Variants in RNF130 observed in about 807,000 individuals in gnomAD.
RNF130 encodes the protein ring finger protein 130, also known as E3 ubiquitin-protein ligase RNF130.
Under a neutral mutation model 44.6 loss-of-function variants are expected in RNF130, and 21 were observed. The ratio of observed to expected loss-of-function variants is 0.47; its 90% CI spans 0.33 to 0.68. RNF130 has a LOEUF of 0.68. Among genes scored for constraint, RNF130 ranks in the 30% least tolerant of loss-of-function variants. RNF130 has a pLI of 0.02. For synonymous variants in RNF130, 214 were observed against 210.4 expected (o/e 1.02, Z -0.15); for missense variants, 479 against 560.6 (o/e 0.85, Z 1.47).
At chr5:179,973,872 C>T (rs1197052085) in intron 5 of RNF130, among the ~76,000 whole-genome samples, 3 of 152,180 alleles carry the variant, frequency 2.0e-5, no homozygotes, top group Non-Finnish European at 2.9e-5. Flanking sequence ...ATACTGAGCG[C>T]CAACAAAGTC....
chr5:180,013,197 G>A lies in RNF130; in HGVS notation c.557C>T (p.Pro186Leu). The A allele has an allele frequency of 1.2e-6, 2 of 1,614,138 alleles. No homozygotes were observed. Among genetic ancestry groups the A allele is most frequent in the Non-Finnish European group, 1.7e-6 (2 of 1,180,032 alleles). ...AGAGCCACGGCTGAAGTTCTTCGGT[G>A]GCATTCGAGTTCCAACAGCTATTGT... is the stretch of plus-strand genomic sequence containing the variant. ...QMTIAVGTRMPPKNFSRGSLV... is the reference protein window; with the variant it reads ...QMTIAVGTRMLPKNFSRGSLV... The change falls in exon 3 of 9, where the codon CCA (proline) becomes CTA (leucine). Residue 186 changes from proline (P) to leucine (L), a missense_variant. By Grantham distance (98) the Pro-to-Leu change is moderately conservative (BLOSUM62 -3). This residue lies in a region of RNF130 where 180 missense variants were observed against 275.1 expected (regional missense o/e 0.65). Coordinates refer to ENST00000521389, the MANE Select transcript of RNF130 (RefSeq NM_018434.6).
intron 2 of RNF130, among the ~76,000 whole-genome samples, chr5:180,014,723 T>C (rs1411177327): frequency 1.3e-5 from 2 of 152,230 alleles, no homozygotes; most frequent in African/African-American, 2.4e-5. Context: ...TGGTGGCTCA[T>C]GCCTATAATC....
chr5:180,051,787 C>T (rs1387443715), intron 1 of RNF130, among the ~76,000 whole-genome samples: 1 of 152,128 alleles, frequency 6.6e-6, no homozygotes, highest in Non-Finnish European at 1.5e-5. Flanking sequence ...TAAAAAGCAT[C>T]TTAAGAGTAA....
chr5:180,061,418 C>T (rs1045642504), intron 1 of RNF130, among the ~76,000 whole-genome samples: 1 of 152,168 alleles, frequency 6.6e-6, no homozygotes, highest in East Asian at 1.9e-4. Flanking sequence ...CAGTGGCGGC[C>T]GCAAGACATC....
chr5:179,957,304 C>T (rs1449477354), intron 8 of RNF130, among the ~76,000 whole-genome samples: 1 of 152,050 alleles, frequency 6.6e-6, no homozygotes, highest in Non-Finnish European at 1.5e-5. Context: ...CCCAGCTACT[C>T]GGGAAGCTGA....
intron 1 of RNF130, among the ~76,000 whole-genome samples, chr5:180,043,228 G>A (rs1286813372): frequency 1.3e-5 from 2 of 152,206 alleles, no homozygotes; most frequent in Non-Finnish European, 2.9e-5. Flanking sequence ...AGGAAGCTGA[G>A]ATGGGAGGAT....
At chr5:179,918,581 G>C (rs1249051221) in exon 8 of RNF130, 1 of 152,122 alleles carries the variant, frequency 6.6e-6, no homozygotes, top group East Asian at 1.9e-4. Flanking sequence ...CCCTCTCTCT[G>C]AGAGCCCAAT....
chr5:179,990,230 T>C (rs752793761), intron 3 of RNF130, among the ~76,000 whole-genome samples: 29 of 152,114 alleles, frequency 1.9e-4, no homozygotes, highest in Admixed American at 2.6e-4. Context: ...GGTAAAGAGT[T>C]TGAGTCACCT....
chr5:180,037,067 T>A (rs1764265374), intron 2 of RNF130, among the ~76,000 whole-genome samples: 1 of 152,236 alleles, frequency 6.6e-6, no homozygotes, highest in South Asian at 2.1e-4. Context: ...TATAACTTAC[T>A]GTGTTTGGGA....
chr5:179,972,931 A>C (rs1762618371), intron 5 of RNF130, among the ~76,000 whole-genome samples: 1 of 152,148 alleles, frequency 6.6e-6, no homozygotes, highest in African/African-American at 2.4e-5. Flanking sequence ...TTTACTAAAC[A>C]ATTAAAAATT....
chr5:179,979,088 G>C (rs1762774882), intron 4 of RNF130, among the ~76,000 whole-genome samples: 1 of 151,924 alleles, frequency 6.6e-6, no homozygotes, highest in South Asian at 2.1e-4. Flanking sequence ...GCTGGCCCGG[G>C]ATACAAAGTC....
chr5:179,920,267 A>G (rs1274686477), exon 8 of RNF130: 2 of 673,430 alleles, frequency 3.0e-6, no homozygotes, highest in Non-Finnish European at 5.5e-6. Context: ...AGGTGATCAG[A>G]AATCAAATCA....
chr5:180,071,503 T>C lies in RNF130; in HGVS notation c.200A>G (p.Lys67Arg). The C allele has an allele frequency of 7.6e-7, 1 of 1,311,430 alleles. No individual in the cohort carries two copies. Among genetic ancestry groups the C allele is most frequent in the East Asian group, 3.0e-5 (1 of 33,434 alleles). 81.2% of individuals were successfully genotyped at this position (1,311,430 alleles called of 1,614,324 possible). ...DRGRYGLDSP[K>R]AEVRGQVLAP... is the part of the protein sequence containing the mutation. ...CAGCACCTGGCCGCGGACCTCGGCCTTGGGGGAGTCAAGCCCGTAGCGCCC... is the reference window on the plus strand; with the variant it reads ...CAGCACCTGGCCGCGGACCTCGGCCCTGGGGGAGTCAAGCCCGTAGCGCCC... The change falls in exon 1 of 9, where the codon AAG (lysine) becomes AGG (arginine). Residue 67 changes from lysine (K) to arginine (R), a missense_variant. By Grantham distance (26) the Lys-to-Arg change is conservative. Around this residue, in one of 3 missense-constraint regions of RNF130, gnomAD observed 138 missense variants for 126.9 expected, o/e 1.09. Coordinates refer to ENST00000521389, the MANE Select transcript of RNF130 (RefSeq NM_018434.6).
intron 3 of RNF130, among the ~76,000 whole-genome samples, chr5:179,988,175 G>T (rs1240921006): frequency 1.3e-5 from 2 of 152,168 alleles, no homozygotes; most frequent in Non-Finnish European, 2.9e-5. Context: ...TTGGTAGGTT[G>T]TATGTGGCTA....
intron 3 of RNF130, among the ~76,000 whole-genome samples, chr5:179,985,565 C>T (rs1196236745): frequency 6.6e-6 from 1 of 152,122 alleles, no homozygotes; most frequent in Admixed American, 6.5e-5. Flanking sequence ...CGTTAAAAGG[C>T]AGTCCTACCC....
chr5:180,009,883 G>A (rs893436262), intron 3 of RNF130, among the ~76,000 whole-genome samples: 2 of 152,110 alleles, frequency 1.3e-5, no homozygotes, highest in Non-Finnish European at 2.9e-5. Flanking sequence ...TTAAACAAAC[G>A]GTGGTACATC....
At chr5:179,948,491 G>A (rs1200658451) in intron 7 of RNF130, among the ~76,000 whole-genome samples, 1 of 152,120 alleles carries the variant, frequency 6.6e-6, no homozygotes, top group Non-Finnish European at 1.5e-5. Flanking sequence ...CCAACATGGT[G>A]AAACCCCCAT....
chr5:179,984,287 C>A (rs1048764575), intron 3 of RNF130, among the ~76,000 whole-genome samples: 10 of 152,066 alleles, frequency 6.6e-5, no homozygotes, highest in African/African-American at 2.4e-4. Context: ...TTTTTACTTA[C>A]TGTGCTGGCT....
chr5:180,027,511 T>C (rs1343751713), intron 2 of RNF130, among the ~76,000 whole-genome samples: 2 of 152,164 alleles, frequency 1.3e-5, no homozygotes, highest in African/African-American at 2.4e-5. Context: ...CTTCTGATAG[T>C]GTGTGTGTTC....
Sources: gnomAD v4.1 joint callset for allele counts (sites outside exome capture counted in the v4.1 genomes callset) on GRCh38, gnomAD v4.1.1 for gene constraint, gnomAD v4.1.1 regional missense constraint, MANE v1.5 for transcripts, NCBI Gene and HGNC (gene_info 2026-07-23, HGNC 2026-07-21) for gene names.